Variants in KLF8 observed in about 807,000 individuals in gnomAD.
KLF8 encodes the protein KLF transcription factor 8.
KLF8 carries 10 observed loss-of-function variants against 18.2 expected under a neutral mutation model. The observed-to-expected ratio is 0.55, with a 90% CI of 0.34 to 0.93. KLF8 has a LOEUF of 0.93. Among genes scored for constraint, KLF8 ranks in the 40% least tolerant of loss-of-function variants. The pLI, the probability that KLF8 is intolerant of heterozygous loss-of-function variation, is 0.02. For missense variants in KLF8, 264 were observed against 277.9 expected, an observed-to-expected ratio of 0.95 and a Z score of 0.36; for synonymous variants, 109 against 97.3, an observed-to-expected ratio of 1.12 and a Z score of -0.71.
At chrX:56,081,630 A>G in the KLF8 span, among the ~76,000 whole-genome samples, 1 of 111,722 alleles carries the variant, frequency 9.0e-6, no homozygotes, top group African/African-American at 3.2e-5. Flanking sequence ...AATGCCTTCT[A>G]TTATGTGGAG....
At chrX:55,987,976 TC>T in the KLF8 span, among the ~76,000 whole-genome samples, 1 of 112,662 alleles carries the variant, frequency 8.9e-6, no homozygotes, top group African/African-American at 3.2e-5. Flanking sequence ...TTTTCTTGTG[TC>T]TTTTGGCTGC....
the KLF8 span, among the ~76,000 whole-genome samples, chrX:55,977,808 G>A: frequency 2.2e-4 from 24 of 111,254 alleles, no homozygotes; most frequent in Non-Finnish European, 4.1e-4. Context: ...TGTGGGAGAC[G>A]AGAGTAGAAG....
chrX:55,924,765 CAA>C, the KLF8 span, among the ~76,000 whole-genome samples: 1 of 104,368 alleles, frequency 9.6e-6, no homozygotes, highest in Middle Eastern at 4.5e-3. Flanking sequence ...CCTAGTGGAA[CAA>C]AGTGACTGAA....
At chrX:56,060,503 C>T in the KLF8 span, among the ~76,000 whole-genome samples, 4 of 111,761 alleles carry the variant, frequency 3.6e-5, no homozygotes, top group African/African-American at 9.7e-5. Context: ...AATTTGTGTA[C>T]GTTGAACCAC....
chrX:56,271,393 G>C (rs772248813), intron 5 of KLF8, among the ~76,000 whole-genome samples: 12 of 111,671 alleles, frequency 1.1e-4, no homozygotes, highest in Admixed American at 1.9e-4. Flanking sequence ...AAAGAAACCT[G>C]CCTAGAAGCC....
the KLF8 span, among the ~76,000 whole-genome samples, chrX:55,944,063 GC>G: frequency 8.9e-6 from 1 of 111,891 alleles, no homozygotes; most frequent in Non-Finnish European, 1.9e-5. Context: ...TTTGTTAAAG[GC>G]CTTTTCTGCA....
At chrX:56,042,382 C>T in the KLF8 span, among the ~76,000 whole-genome samples, 11 of 110,951 alleles carry the variant, frequency 9.9e-5, no homozygotes, top group African/African-American at 3.3e-4. Flanking sequence ...GTAGCAGGTC[C>T]GACTGATTTA....
the KLF8 span, among the ~76,000 whole-genome samples, chrX:56,201,733 T>C: frequency 9.0e-6 from 1 of 111,365 alleles, no homozygotes; most frequent in South Asian, 3.8e-4. Flanking sequence ...TTGTATACAT[T>C]AAATATGTAC....
chrX:56,137,447 C>T, the KLF8 span, among the ~76,000 whole-genome samples: 1 of 105,979 alleles, frequency 9.4e-6, no homozygotes, highest in Non-Finnish European at 1.9e-5. Context: ...GAGTTCATGT[C>T]CTTTGTAGGG....
the KLF8 span, among the ~76,000 whole-genome samples, chrX:56,076,272 C>T: frequency 9.9e-6 from 1 of 101,197 alleles, no homozygotes; most frequent in Admixed American, 1.1e-4. Context: ...GTATATCTCC[C>T]AATGCTATCC....
At chrX:56,266,947 G>A (rs2066980739) in intron 3 of KLF8, 5 of 751,649 alleles carry the variant, frequency 6.7e-6, no homozygotes, top group Non-Finnish European at 7.8e-6. Flanking sequence ...GTAATGATAA[G>A]TGTTCATAAT....
chrX:56,101,764 G>C, the KLF8 span, among the ~76,000 whole-genome samples: 1 of 112,008 alleles, frequency 8.9e-6, no homozygotes, highest in Non-Finnish European at 1.9e-5. Context: ...AGAAGTGCCT[G>C]TCCATGTCCT....
chrX:56,138,405 C>T, the KLF8 span, among the ~76,000 whole-genome samples: 2 of 111,350 alleles, frequency 1.8e-5, no homozygotes, highest in African/African-American at 6.5e-5. Flanking sequence ...AACATTGATG[C>T]AAAACTCCTC....
chrX:56,062,660 G>A, the KLF8 span, among the ~76,000 whole-genome samples: 1 of 108,737 alleles, frequency 9.2e-6, no homozygotes, highest in Non-Finnish European at 1.9e-5. Flanking sequence ...TGATTCTTAA[G>A]GCGTAACTTT....
chrX:56,146,324 A>G, the KLF8 span, among the ~76,000 whole-genome samples: 1 of 112,183 alleles, frequency 8.9e-6, no homozygotes, highest in African/African-American at 3.2e-5. Context: ...AATGCCCATC[A>G]ATGATAGACT....
the KLF8 span, among the ~76,000 whole-genome samples, chrX:56,044,580 G>T: frequency 5.3e-5 from 6 of 112,740 alleles, no homozygotes; most frequent in African/African-American, 1.6e-4. Context: ...AAACAGTCTC[G>T]CCACAATCTG....
chrX:56,079,392 G>A, the KLF8 span, among the ~76,000 whole-genome samples: 14 of 111,178 alleles, frequency 1.3e-4, no homozygotes, highest in Admixed American at 9.5e-4. Flanking sequence ...CCTTCATTTC[G>A]TTATGTACCC....
the KLF8 span, among the ~76,000 whole-genome samples, chrX:56,182,396 G>T: frequency 3.6e-5 from 4 of 111,798 alleles, no homozygotes; most frequent in African/African-American, 1.3e-4. Flanking sequence ...CTTCTTAGTC[G>T]TGGGTTTGAA....
chrX:56,202,559 T>TTCCCCCCCCC, the KLF8 span, among the ~76,000 whole-genome samples: 1 of 75,803 alleles, frequency 1.3e-5, no homozygotes, highest in Non-Finnish European at 2.6e-5. Context: ...CCATTAACCT[T>TTCCCCCCCCC]CCCCCCCCCT....
Sources: gnomAD v4.1 joint callset for allele counts (sites outside exome capture counted in the v4.1 genomes callset) on GRCh38, gnomAD v4.1.1 for gene constraint, MANE v1.5 for transcripts, NCBI Gene and HGNC (gene_info 2026-07-23, HGNC 2026-07-21) for gene names.